The following AGBL1 variants were observed in gnomAD, a reference collection of about 807,000 sequenced individuals.
The protein encoded by AGBL1 is AGBL carboxypeptidase 1.
A neutral mutation model predicts 118.9 loss-of-function variants in AGBL1; 130 were observed. The observed-to-expected ratio is 1.09, with a 90% CI of 0.95 to 1.26. The LOEUF (loss-of-function observed/expected upper bound fraction) is 1.26, where lower values mean the gene tolerates loss of function less well. Ranked by LOEUF, AGBL1 falls within the 50% of genes most tolerant of loss-of-function variation. The pLI is 0.00. For missense variants in AGBL1, 1,584 were observed against 1,298.1 expected (o/e 1.22, Z -3.38); for synonymous variants, 555 against 478.9 (o/e 1.16, Z -2.08).
chr15:86,450,048 A>G (rs1317948302), intron 18 of AGBL1, among the ~76,000 whole-genome samples: 7 of 152,206 alleles, frequency 4.6e-5, no homozygotes, highest in Non-Finnish European at 8.8e-5. Flanking sequence ...CCAGCAGCTT[A>G]TAAGTACCCC....
chr15:86,658,596 C>T (rs993047513), intron 21 of AGBL1, among the ~76,000 whole-genome samples: 4 of 152,068 alleles, frequency 2.6e-5, no homozygotes, highest in African/African-American at 9.7e-5. Flanking sequence ...CCTCCTGGAC[C>T]TTGGTTTTGG....
At chr15:86,513,069 A>C in intron 18 of AGBL1, among the ~76,000 whole-genome samples, 1 of 152,054 alleles carries the variant, frequency 6.6e-6, no homozygotes, top group Middle Eastern at 3.4e-3. Flanking sequence ...AACATTTTAC[A>C]TATCTGTAAG....
rs566167002 is a variant in AGBL1 at position 86,269,959 on chromosome 15, A to C, written c.1879A>C (p.Thr627Pro). The C allele has an allele frequency of 6.2e-7, 1 of 1,613,908 alleles. No individual in the cohort carries two copies. The highest frequency in any genetic ancestry group is 1.3e-5 in the African/African-American group (1 of 75,042). The change falls in exon 14 of 23, where the codon ACC becomes CCC. Residue 627 changes from threonine to proline, a missense_variant. Transcript: ENST00000614907. ...GCTGGTCAACGCAGATGTGAATAGC[A>C]CCCAGCACCAGCAGTGGTTCTATTT... ...DLLVNADVNS[T>P]QHQQWFYFKV...
At chr15:86,994,392 G>C (rs1320675138) in intron 24 of AGBL1, among the ~76,000 whole-genome samples, 1 of 152,096 alleles carries the variant, frequency 6.6e-6, no homozygotes, top group Non-Finnish European at 1.5e-5. Flanking sequence ...AGACTGTCCA[G>C]AGTGTTAGAC....
intron 21 of AGBL1, among the ~76,000 whole-genome samples, chr15:86,636,768 T>TACATACAG (rs2085102029): frequency 1.0e-5 from 1 of 98,860 alleles, no homozygotes; most frequent in Non-Finnish European, 2.1e-5. Flanking sequence ...TACACATACA[T>TACATACAG]ACAGAAAGGC....
intron 18 of AGBL1, among the ~76,000 whole-genome samples, chr15:86,505,987 C>T (rs1355454710): frequency 1.3e-5 from 2 of 152,028 alleles, no homozygotes; most frequent in African/African-American, 4.8e-5. Flanking sequence ...ATGTTCTTGT[C>T]ATGTGCAGCC....
intron 5 of AGBL1, among the ~76,000 whole-genome samples, chr15:86,212,282 C>G (rs1461761385): frequency 6.6e-6 from 1 of 152,178 alleles, no homozygotes; most frequent in East Asian, 1.9e-4. Context: ...CATAAATACG[C>G]AATTTCCATG....
intron 22 of AGBL1, among the ~76,000 whole-genome samples, chr15:86,730,967 ACAG>A (rs1316117874): frequency 6.6e-6 from 1 of 152,060 alleles, no homozygotes; most frequent in Non-Finnish European, 1.5e-5. Context: ...AGCTGGGATT[ACAG>A]GCATATGCCA....
chr15:86,999,196 T>TA (rs2081409806), intron 24 of AGBL1, among the ~76,000 whole-genome samples: 4 of 150,822 alleles, frequency 2.7e-5, no homozygotes, highest in African/African-American at 7.3e-5. Context: ...ATCATTTTTT[T>TA]AATATAAAAT....
At chr15:87,013,988 A>G (rs1163134158) in intron 24 of AGBL1, among the ~76,000 whole-genome samples, 1 of 152,060 alleles carries the variant, frequency 6.6e-6, no homozygotes, top group Non-Finnish European at 1.5e-5. Context: ...AGCAAAATAG[A>G]GTCCAACTTA....
chr15:86,525,602 T>C (rs2083252776), intron 19 of AGBL1, among the ~76,000 whole-genome samples: 1 of 152,032 alleles, frequency 6.6e-6, no homozygotes, highest in African/African-American at 2.4e-5. Context: ...TAACTAATCT[T>C]TGACCAAGTA....
chr15:86,564,432 T>C (rs2083880952), intron 21 of AGBL1, among the ~76,000 whole-genome samples: 1 of 152,236 alleles, frequency 6.6e-6, no homozygotes, highest in Non-Finnish European at 1.5e-5. Flanking sequence ...TGAAAATTCT[T>C]TTCTTTAAGA....
rs114785350 is a variant in AGBL1, at chr15:86,738,719, A to G, written c.3158+64283A>G. ...ATTTGGGAAATCTAAGTTATACAAG[A>G]AACATAAATATCTCTATTGCAGGCC... On this transcript the variant is annotated intron_variant, in intron 22 of 22. Coordinates refer to ENST00000614907, the MANE Select transcript of AGBL1 (RefSeq NM_001386094.1). Among the ~76,000 whole-genome samples the G allele has an allele frequency of 9.5e-3, 1,440 of 152,296 alleles. 24 individuals carry two copies. Among genetic ancestry groups the G allele is most frequent in the African/African-American group, 0.032 (1,326 of 41,560 alleles).
intron 23 of AGBL1, among the ~76,000 whole-genome samples, chr15:86,929,323 C>G (rs966517963): frequency 6.6e-6 from 1 of 152,112 alleles, no homozygotes; most frequent in Non-Finnish European, 1.5e-5. Context: ...CTTTGTGGCT[C>G]TGAACAAAAA....
chr15:86,178,401 G>A (rs79404799), intron 5 of AGBL1, among the ~76,000 whole-genome samples: 2,551 of 152,248 alleles, frequency 0.017, 29 homozygotes, highest in East Asian at 0.072. Context: ...AATGAGAGGC[G>A]AAATTCCTAC....
chr15:86,685,134 A>C (rs148656214), intron 22 of AGBL1, among the ~76,000 whole-genome samples: 2 of 152,106 alleles, frequency 1.3e-5, no homozygotes, highest in African/African-American at 4.8e-5. Flanking sequence ...ATACAAGACG[A>C]CCCTTTACAA....
At chr15:86,674,526 G>A in intron 22 of AGBL1, 90 bp downstream of exon 22, 2 of 1,303,412 alleles carry the variant, frequency 1.5e-6, no homozygotes, top group South Asian at 3.2e-5. Flanking sequence ...GGACCTAGGG[G>A]TCTTTACACA....
intron 24 of AGBL1, among the ~76,000 whole-genome samples, chr15:87,003,346 T>C (rs529801713): frequency 6.6e-6 from 1 of 151,538 alleles, no homozygotes; most frequent in Admixed American, 6.6e-5. Flanking sequence ...TCATGGTGGA[T>C]AAGGTTTTTG....
At chr15:86,990,392 T>C (rs1051800866) in intron 24 of AGBL1, among the ~76,000 whole-genome samples, 3 of 152,052 alleles carry the variant, frequency 2.0e-5, no homozygotes, top group Admixed American at 1.3e-4. Context: ...CAGGTGCTTG[T>C]AGTCCCAGCT....
Sources: allele counts gnomAD v4.1 joint callset (sites outside exome capture counted in the v4.1 genomes callset), GRCh38; gene constraint gnomAD v4.1.1; transcripts MANE v1.5; gene names NCBI Gene and HGNC (gene_info 2026-07-23, HGNC 2026-07-21).